Variants in ARID4A observed in about 807,000 individuals in gnomAD.
The protein encoded by ARID4A is AT-rich interactive domain-containing protein 4A.
Under a neutral mutation model 148.6 loss-of-function variants are expected in ARID4A, and 39 were observed. The observed-to-expected ratio is 0.26, with a 90% CI of 0.20 to 0.34. The LOEUF (loss-of-function observed/expected upper bound fraction) is 0.34, where lower values mean the gene tolerates loss of function less well. ARID4A is among the 10% of genes least tolerant of loss of function. The pLI, the probability that ARID4A is intolerant of heterozygous loss-of-function variation, is 1.00. For missense variants in ARID4A, 1,265 were observed against 1,449.1 expected (o/e 0.87, Z 2.06); for synonymous variants, 475 against 481.2 (o/e 0.99, Z 0.17).
chr14:58,372,165 A>G lies in ARID4A; in HGVS notation c.*176A>G. 1 of 523,486 alleles carries G rather than the reference A, an allele frequency of 1.9e-6. No individual in the cohort carries two copies. 32.4% of individuals were successfully genotyped at this position (523,486 alleles called of 1,614,324 possible). ...CTCTTCTTTTTTCTTGTTGCAAAAA[A>G]TAAGCTGATTAATAAGTGAAGGTTA... On this transcript the variant is annotated 3_prime_UTR_variant, in exon 24 of 24. Transcript: ENST00000355431.
chr14:58,368,916 A>G (rs1231206225), intron 23 of ARID4A, among the ~76,000 whole-genome samples: 13 of 152,210 alleles, frequency 8.5e-5, no homozygotes, highest in Admixed American at 8.5e-4. Flanking sequence ...GGATTTTTGG[A>G]TTAGGGATGT....
At chr14:58,322,980 A>AAAAAAATATAT (rs1255021613) in intron 7 of ARID4A, among the ~76,000 whole-genome samples, 17 of 114,280 alleles carry the variant, frequency 1.5e-4, no homozygotes, top group African/African-American at 4.6e-4. Flanking sequence ...AAAAAAAAAA[A>AAAAAAATATAT]ATATATATAT....
chr14:58,367,699 A>G (rs1221179616), intron 23 of ARID4A, among the ~76,000 whole-genome samples: 1 of 152,224 alleles, frequency 6.6e-6, no homozygotes, highest in Non-Finnish European at 1.5e-5. Flanking sequence ...TTCCAGTTAA[A>G]CATGAACATG....
intron 7 of ARID4A, among the ~76,000 whole-genome samples, chr14:58,323,161 TAAAA>T (rs905599033): frequency 2.1e-5 from 3 of 144,098 alleles, no homozygotes; most frequent in African/African-American, 7.6e-5. Context: ...AGGGCAATCT[TAAAA>T]AAAAAAAGTA....
At chr14:58,306,377 A>G (rs2031599578) in intron 5 of ARID4A, among the ~76,000 whole-genome samples, 1 of 152,234 alleles carries the variant, frequency 6.6e-6, no homozygotes, top group Admixed American at 6.5e-5. Context: ...AGAAAGTTAG[A>G]TCACATGATT....
chr14:58,337,242 TTATTTATA>T (rs1048355535), intron 11 of ARID4A, among the ~76,000 whole-genome samples: 2 of 45,648 alleles, frequency 4.4e-5, no homozygotes, highest in African/African-American at 9.0e-5. Flanking sequence ...AACCTTCTCT[TTATTTATA>T]TATATATATA....
At chr14:58,305,123 A>G in intron 4 of ARID4A, 114 bp downstream of exon 4, 1 of 826,388 alleles carries the variant, frequency 1.2e-6, no homozygotes, top group South Asian at 2.0e-5. Flanking sequence ...TCAGAAAACA[A>G]TACATATGAA....
In ARID4A at chr14:58,364,278, A is replaced by G. The variant is rs753012928; in HGVS notation, c.2189A>G (p.Asp730Gly). The G allele has an allele frequency of 1.9e-6, 3 of 1,558,168 alleles. No homozygotes were observed. Among genetic ancestry groups the G allele is most frequent in the South Asian group, 2.5e-5 (2 of 80,202 alleles). The change falls in exon 20 of 24, where the codon GAT (aspartate) becomes GGT (glycine). Residue 730 changes from aspartate to glycine, a missense_variant. Transcript: ENST00000355431. ...GAAAAAAATGAAAATTTGAATGATG[A>G]TAAGCTAGATGAAGAAAATCCAAAG... ...ELEKNENLND[D>G]KLDEENPKIS...
intron 18 of ARID4A, among the ~76,000 whole-genome samples, chr14:58,360,050 A>C (rs1020982296): frequency 6.7e-6 from 1 of 149,866 alleles, no homozygotes; most frequent in African/African-American, 2.5e-5. Context: ...TGGGCGACAG[A>C]GCAAGACTCC....
At chr14:58,352,284 C>T (rs753913731) in intron 16 of ARID4A, among the ~76,000 whole-genome samples, 17 of 152,064 alleles carry the variant, frequency 1.1e-4, no homozygotes, top group Non-Finnish European at 2.2e-4. Context: ...ATCACAATTA[C>T]ATATGACCTA....
At chr14:58,315,249 T>A (rs1022791549) in intron 5 of ARID4A, among the ~76,000 whole-genome samples, 14 of 152,136 alleles carry the variant, frequency 9.2e-5, no homozygotes, top group Admixed American at 1.3e-4. Context: ...TAAAAAAAAA[T>A]TTCTATCCAT....
chr14:58,305,089 C>T (rs2031498249), intron 4 of ARID4A, 80 bp downstream of exon 4: 4 of 1,203,146 alleles, frequency 3.3e-6, no homozygotes, highest in East Asian at 5.0e-5. Flanking sequence ...TCTACATAGA[C>T]TTAACATTTT....
At chr14:58,316,311 G>T (rs1284841414) in intron 5 of ARID4A, among the ~76,000 whole-genome samples, 1 of 152,138 alleles carries the variant, frequency 6.6e-6, no homozygotes, top group Non-Finnish European at 1.5e-5. Context: ...ATGCTTTCTT[G>T]TTAAGTGAAT....
chr14:58,347,389 G>T (rs2034424716), intron 14 of ARID4A, among the ~76,000 whole-genome samples: 1 of 152,054 alleles, frequency 6.6e-6, no homozygotes, highest in Admixed American at 6.6e-5. Flanking sequence ...CATCTTTTGG[G>T]GTGAACAGCC....
chr14:58,353,398 T>C (rs1468781114), intron 16 of ARID4A: 4 of 316,864 alleles, frequency 1.3e-5, no homozygotes, highest in Non-Finnish European at 2.3e-5. Context: ...ACTTATTTTA[T>C]TACAGATCAT....
Position 58,372,339 on chromosome 14 carries a change from T to C in ARID4A, c.*350T>C. 3.7e-6 allele frequency: 1 copy of C among 267,402 alleles called. No homozygotes were observed. The highest frequency in any genetic ancestry group is 1.1e-4 in the South Asian group (1 of 8,896). The allele number at this position is 267,402 out of a possible 1,614,324, so 16.6% of individuals were successfully genotyped here. ...ATCGTAGACAAGCAAGTGCACATGATAAACATCAAAATATTACCCAGCTGA... is the reference window on the plus strand; with the variant it reads ...ATCGTAGACAAGCAAGTGCACATGACAAACATCAAAATATTACCCAGCTGA... On this transcript the variant is annotated 3_prime_UTR_variant, in exon 24 of 24. Transcript: ENST00000355431.
intron 11 of ARID4A, among the ~76,000 whole-genome samples, chr14:58,340,952 C>A (rs183239448): frequency 1.0e-3 from 157 of 152,324 alleles, no homozygotes; most frequent in African/African-American, 3.2e-3. Flanking sequence ...TGAGTAATGT[C>A]TAAACTAAAT....
chr14:58,347,242 G>C (rs1488560199), intron 14 of ARID4A, 125 bp downstream of exon 14: 3 of 510,178 alleles, frequency 5.9e-6, no homozygotes, highest in East Asian at 3.4e-5. Context: ...AAAAGGTTTA[G>C]GTTGACAGAT....
intron 8 of ARID4A, among the ~76,000 whole-genome samples, chr14:58,324,057 A>AC (rs2033078200): frequency 6.6e-6 from 1 of 151,520 alleles, no homozygotes; most frequent in Admixed American, 6.6e-5. Context: ...GGCGCCTGCC[A>AC]CCACGCCTGG....
Sources: allele counts gnomAD v4.1 joint callset (sites outside exome capture counted in the v4.1 genomes callset), GRCh38; gene constraint gnomAD v4.1.1; transcripts MANE v1.5; gene names NCBI Gene and HGNC (gene_info 2026-07-23, HGNC 2026-07-21).